The following ART1 variants were observed in gnomAD, a reference collection of about 807,000 sequenced individuals.
ART1 encodes the protein GPI-linked NAD(P)(+)--arginine ADP-ribosyltransferase 1.
In ART1, 29 loss-of-function variants were observed where a neutral mutation model predicts 27.0. That is an observed-to-expected ratio of 1.08 (90% CI 0.80 to 1.47). The LOEUF (loss-of-function observed/expected upper bound fraction) is 1.47. Ranked by LOEUF, ART1 falls within the 40% of genes most tolerant of loss-of-function variation. ART1 has a pLI of 0.00. For missense variants in ART1, 480 were observed against 423.0 expected, an observed-to-expected ratio of 1.13 and a Z score of -1.18; for synonymous variants, 201 against 172.2, an observed-to-expected ratio of 1.17 and a Z score of -1.31.
chr11:3,663,924 T>G, intron 4 of ART1, 168 bp from the exon 5 acceptor site: 4 of 607,022 alleles, frequency 6.6e-6, no homozygotes, highest in Non-Finnish European at 8.7e-6. Context: ...TCCCTAAACT[T>G]GATCTTCATC....
At chr11:3,655,807 T>C (rs2077569894) in intron 1 of ART1, among the ~76,000 whole-genome samples, 1 of 151,578 alleles carries the variant, frequency 6.6e-6, no homozygotes. Context: ...ATGGGGTGCA[T>C]AGAATGAGAA....
chr11:3,648,293 A>G (rs561881690), intron 1 of ART1, among the ~76,000 whole-genome samples: 1 of 152,286 alleles, frequency 6.6e-6, no homozygotes, highest in African/African-American at 2.4e-5. Context: ...GTGTCTTCAC[A>G]CGGACGCGCA....
intron 1 of ART1, among the ~76,000 whole-genome samples, chr11:3,645,919 C>T (rs1053797607): frequency 3.3e-5 from 5 of 152,076 alleles, no homozygotes; most frequent in African/African-American, 9.7e-5. Context: ...AGGGTAACCA[C>T]GGAGCCGCAC....
intron 4 of ART1, 148 bp from the exon 5 acceptor site, chr11:3,663,944 C>T (rs569346299): frequency 5.1e-5 from 33 of 647,356 alleles, no homozygotes; most frequent in South Asian, 4.9e-4. Flanking sequence ...CTCTGTTGCC[C>T]GTGGCAGTTT....
intron 1 of ART1, 145 bp from the exon 2 acceptor site, chr11:3,659,017 A>G (rs1246094615): frequency 1.5e-5 from 9 of 588,204 alleles, no homozygotes; most frequent in East Asian, 5.7e-5. Context: ...GAAGTCACTC[A>G]TGTTCCTTTC....
rs183767485 is a variant in ART1 at position 3,647,351 on chromosome 11, C to T, written c.-53+2172C>T. Reference sequence around the variant, plus strand: ...AAACAAAACAAAACAAAAAAAAAAACGAGGCTGGGTGCGGTGGCTCAGGCC... The same window carrying T: ...AAACAAAACAAAACAAAAAAAAAAATGAGGCTGGGTGCGGTGGCTCAGGCC... On this transcript the variant is annotated intron_variant, in intron 1 of 4. Transcript: ENST00000250693. 1.9e-4 allele frequency among the ~76,000 whole-genome samples: 27 copies of T among 140,840 alleles called. No individual in the cohort carries two copies. The East Asian group carries it at 3.7e-3, about 19-fold the overall frequency. The allele number at this position is 140,840 out of a possible 152,430, so 92.4% of individuals were successfully genotyped here.
chr11:3,652,666 G>C (rs1277872910), intron 1 of ART1, among the ~76,000 whole-genome samples: 3 of 151,932 alleles, frequency 2.0e-5, no homozygotes, highest in Admixed American at 1.3e-4. Flanking sequence ...AAAAGAACTT[G>C]TCATCCCTAC....
At chr11:3,647,714 A>G (rs930436145) in intron 1 of ART1, among the ~76,000 whole-genome samples, 1 of 152,156 alleles carries the variant, frequency 6.6e-6, no homozygotes, top group Non-Finnish European at 1.5e-5. Flanking sequence ...AGTGATGAAC[A>G]TGTTTATTCC....
At chr11:3,648,700 C>T (rs1256914840) in intron 1 of ART1, among the ~76,000 whole-genome samples, 1 of 152,202 alleles carries the variant, frequency 6.6e-6, no homozygotes, top group African/African-American at 2.4e-5. Flanking sequence ...TGATTATTCA[C>T]CCACGTTTCA....
At chr11:3,662,831 C>A (rs771803933) in intron 4 of ART1, among the ~76,000 whole-genome samples, 1 of 152,046 alleles carries the variant, frequency 6.6e-6, no homozygotes. Context: ...GCAACAAGAG[C>A]GAAACTCTGT....
chr11:3,649,344 C>G (rs2077498106), intron 1 of ART1, among the ~76,000 whole-genome samples: 1 of 152,198 alleles, frequency 6.6e-6, no homozygotes, highest in Non-Finnish European at 1.5e-5. Context: ...TTCAATTTTT[C>G]CATCCTGCAA....
chr11:3,659,349 G>C, intron 2 of ART1, 73 bp downstream of exon 2: 2 of 1,595,282 alleles, frequency 1.3e-6, no homozygotes, highest in South Asian at 2.2e-5. Context: ...CCTGGAGGGA[G>C]AAAGAGAGAG....
chr11:3,663,093 T>TCTCAC, intron 4 of ART1, among the ~76,000 whole-genome samples: 1 of 86,570 alleles, frequency 1.2e-5, no homozygotes, highest in Admixed American at 1.1e-4. Flanking sequence ...CATCTCATCA[T>TCTCAC]CTCATCTCAT....
chr11:3,650,710 T>A (rs1400544226), intron 1 of ART1, among the ~76,000 whole-genome samples: 1 of 152,012 alleles, frequency 6.6e-6, no homozygotes, highest in Non-Finnish European at 1.5e-5. Flanking sequence ...GCAGAGACAC[T>A]TTAACTAAAT....
intron 1 of ART1, among the ~76,000 whole-genome samples, chr11:3,648,344 A>G (rs764470202): frequency 1.3e-5 from 2 of 152,128 alleles, no homozygotes; most frequent in Non-Finnish European, 2.9e-5. Context: ...GACCTCCCTT[A>G]GGAGATCAAT....
At chr11:3,655,686 TC>T (rs1342006544) in intron 1 of ART1, 1 of 152,120 alleles carries the variant, frequency 6.6e-6, no homozygotes, top group Non-Finnish European at 1.5e-5. Flanking sequence ...CATCCATAGA[TC>T]AACTCGCAGG....
At chr11:3,651,971 T>C (rs1423405517) in intron 1 of ART1, among the ~76,000 whole-genome samples, 1 of 151,500 alleles carries the variant, frequency 6.6e-6, no homozygotes, top group Non-Finnish European at 1.5e-5. Context: ...CAGGCTATGC[T>C]ATAGAACAAG....
intron 1 of ART1, among the ~76,000 whole-genome samples, chr11:3,648,701 C>T (rs1216228575): frequency 6.6e-6 from 1 of 152,166 alleles, no homozygotes; most frequent in Non-Finnish European, 1.5e-5. Flanking sequence ...GATTATTCAC[C>T]CACGTTTCAG....
At chr11:3,652,918 CT>C (rs2077536594) in intron 1 of ART1, among the ~76,000 whole-genome samples, 1 of 149,456 alleles carries the variant, frequency 6.7e-6, no homozygotes, top group Admixed American at 6.6e-5. Context: ...ATTCTTAGAC[CT>C]TTTATACCTG....
Sources: gnomAD v4.1 joint callset for allele counts (sites outside exome capture counted in the v4.1 genomes callset) on GRCh38, gnomAD v4.1.1 for gene constraint, MANE v1.5 for transcripts, NCBI Gene and HGNC (gene_info 2026-07-23, HGNC 2026-07-21) for gene names.